The following BRDT variants were observed in gnomAD, a reference collection of about 807,000 sequenced individuals.
BRDT encodes bromodomain testis-specific protein.
Under a neutral mutation model 113.9 loss-of-function variants are expected in BRDT, and 77 were observed. The ratio of observed to expected loss-of-function variants is 0.68; its 90% CI spans 0.56 to 0.82. The LOEUF (loss-of-function observed/expected upper bound fraction) is 0.82. Ranked by LOEUF, BRDT falls within the 40% of genes least tolerant of loss-of-function variation. BRDT has a pLI of 0.00. For synonymous variants in BRDT, 358 were observed against 366.5 expected (o/e 0.98, Z 0.26); for missense variants, 1,027 against 1,105.4 (o/e 0.93, Z 1.01).
At chr1:91,981,813 T>C (rs1322417909) in intron 12 of BRDT, 58 bp downstream of exon 12, 5 of 1,480,932 alleles carry the variant, frequency 3.4e-6, no homozygotes, top group East Asian at 2.5e-5. Flanking sequence ...TCCTGTAATA[T>C]TGATTTATAT....
At chr1:91,968,666 T>C (rs1298867579) in intron 4 of BRDT, among the ~76,000 whole-genome samples, 1 of 152,220 alleles carries the variant, frequency 6.6e-6, no homozygotes, top group Non-Finnish European at 1.5e-5. Context: ...TGGAAGATTG[T>C]CTTTTTTTCC....
chr1:91,954,625 G>A (rs962945904), intron 1 of BRDT, among the ~76,000 whole-genome samples: 6 of 152,038 alleles, frequency 3.9e-5, no homozygotes, highest in East Asian at 1.9e-4. Flanking sequence ...TTTTGAAAGC[G>A]GAAATAACAA....
intron 1 of BRDT, chr1:91,950,074 C>T (rs1680884687): frequency 6.6e-6 from 1 of 152,162 alleles, no homozygotes; most frequent in Non-Finnish European, 1.5e-5. Flanking sequence ...TATTAAGCCC[C>T]TGGAACGTCT....
In BRDT at chr1:91,964,542, T is replaced by C. The variant is rs551410242; in HGVS notation, c.193-85T>C. 2.9e-5 allele frequency: 24 copies of C among 829,092 alleles called. No homozygotes were observed. In the African/African-American group the frequency reaches 4.0e-4, roughly 14 times the overall value. 51.4% of individuals were successfully genotyped at this position (829,092 alleles called of 1,614,324 possible). A position where few individuals can be genotyped will look rare whatever the true frequency, so the allele number is the denominator to read the frequency against. On this transcript the variant is annotated intron_variant, in intron 2 of 18. Transcript: ENST00000399546. Reference sequence around the variant, plus strand: ...ATCAGTTGCTCTCTCTAGTTGCAGGTGTATAGTGCATTAAATTTCTTTGTG... The same window carrying C: ...ATCAGTTGCTCTCTCTAGTTGCAGGCGTATAGTGCATTAAATTTCTTTGTG...
chr1:91,989,882 TAGG>T (rs1335912612), intron 12 of BRDT, among the ~76,000 whole-genome samples: 5 of 152,214 alleles, frequency 3.3e-5, no homozygotes, highest in African/African-American at 1.2e-4. Flanking sequence ...TCAAACATTT[TAGG>T]AGAGGAAAGA....
At chr1:91,996,722 T>C (rs369965705) in intron 15 of BRDT, among the ~76,000 whole-genome samples, 1 of 152,236 alleles carries the variant, frequency 6.6e-6, no homozygotes, top group South Asian at 2.1e-4. Flanking sequence ...ATAAGGTATT[T>C]TTGTGGCAGA....
intron 4 of BRDT, among the ~76,000 whole-genome samples, chr1:91,969,831 T>G (rs1052873957): frequency 5.5e-5 from 8 of 145,322 alleles, no homozygotes; most frequent in South Asian, 2.2e-4. Context: ...GTGTTTTTTT[T>G]TTTTTTTTTT....
chr1:91,967,853 T>C (rs1316533566), intron 3 of BRDT, among the ~76,000 whole-genome samples: 1 of 152,160 alleles, frequency 6.6e-6, no homozygotes, highest in Admixed American at 6.6e-5. Context: ...TTTTAATACC[T>C]GTTTGATTTA....
chr1:91,990,440 AT>A (rs1433766394), intron 12 of BRDT, among the ~76,000 whole-genome samples: 1 of 152,146 alleles, frequency 6.6e-6, no homozygotes, highest in Non-Finnish European at 1.5e-5. Context: ...CTTATAGTAA[AT>A]TCTTTATTTT....
In BRDT at chr1:91,977,113, A is replaced by G; in HGVS notation, c.689A>G (p.Glu230Gly). 6.2e-7 allele frequency: 1 copy of G among 1,613,744 alleles called. No homozygotes were observed. The highest frequency in any genetic ancestry group is 1.7e-5 in the Admixed American group (1 of 59,966). ...ACTTCAGCAGTTAAAGCAAGTAGTGAATTTTCTCCAACATTCACAGAAAAA... is the reference window on the plus strand; with the variant it reads ...ACTTCAGCAGTTAAAGCAAGTAGTGGATTTTCTCCAACATTCACAGAAAAA... Reference protein sequence around the residue: ...PATSAVKASSEFSPTFTEKSV... With the variant: ...PATSAVKASSGFSPTFTEKSV... Residue 230 changes from glutamate to glycine, a missense_variant, in exon 6 of 19, where the codon GAA becomes GGA. Physicochemically the swap from Glu to Gly is moderately conservative, Grantham distance 98. Transcript: ENST00000399546.
chr1:91,994,078 A>G lies in BRDT; in HGVS notation c.2116-5A>G. 1 of 1,589,638 alleles carries G rather than the reference A, an allele frequency of 6.3e-7. No individual in the cohort carries two copies. Among genetic ancestry groups the G allele is most frequent in the Non-Finnish European group, 8.5e-7 (1 of 1,171,676 alleles). On this transcript the variant is annotated splice_region_variant and splice_polypyrimidine_tract_variant and intron_variant, in intron 14 of 18. Transcript: ENST00000399546. ...TAAGTGATAACTTTGATTTTGTTTT[A>G]ACAGATAGGATATTGTGTGCAAGAC...
intron 15 of BRDT, among the ~76,000 whole-genome samples, chr1:91,996,817 A>G (rs1686384153): frequency 6.6e-6 from 1 of 152,240 alleles, no homozygotes; most frequent in African/African-American, 2.4e-5. Flanking sequence ...CTCATTTGGC[A>G]CATGTTTGAG....
chr1:91,977,443 A>C (rs780943374), intron 6 of BRDT, 50 bp downstream of exon 6: 1 of 1,344,286 alleles, frequency 7.4e-7, no homozygotes, highest in East Asian at 2.4e-5. Context: ...TTATAAAAGT[A>C]ATTCATCATT....
chr1:91,973,845 C>G (rs549727593), intron 4 of BRDT, among the ~76,000 whole-genome samples: 2 of 152,164 alleles, frequency 1.3e-5, no homozygotes, highest in Admixed American at 1.3e-4. Context: ...GAGGGCATCC[C>G]TGTCTTGTGC....
In BRDT at chr1:91,966,782, A is replaced by G. The variant is rs572062866; in HGVS notation, c.331-1364A>G. Reference sequence around the variant, plus strand: ...CGAATAGTTAAGATTGAAAAATTGAATATGTTGCCTGGGTGCGGTGGCTCA... The same window carrying G: ...CGAATAGTTAAGATTGAAAAATTGAGTATGTTGCCTGGGTGCGGTGGCTCA... On this transcript the variant is annotated intron_variant, in intron 3 of 18. Transcript: ENST00000399546. 5.9e-5 allele frequency among the ~76,000 whole-genome samples: 9 copies of G among 152,340 alleles called. No individual in the cohort carries two copies. In the South Asian group the frequency reaches 1.9e-3, roughly 32 times the overall value.
rs761362682 is a variant in BRDT, at chr1:91,981,596, A to G, written c.1865-22A>G. The G allele has an allele frequency of 6.2e-6, 10 of 1,607,092 alleles. No homozygotes were observed. In the South Asian group the frequency reaches 1.1e-4, roughly 18 times the overall value. ...AACTATTTAATTCTTCTGGCATTTT[A>G]ATATGTTTCTCTGTTTTGTAGCTGA... On this transcript the variant is annotated intron_variant, in intron 11 of 18. Transcript: ENST00000399546.
intron 1 of BRDT, among the ~76,000 whole-genome samples, chr1:91,961,642 G>C (rs766677838): frequency 6.6e-6 from 1 of 151,592 alleles, no homozygotes; most frequent in Non-Finnish European, 1.5e-5. Context: ...GAGAGAGAGA[G>C]ACACCATAAA....
In BRDT at chr1:91,996,704, G is replaced by A. The variant is rs184910093; in HGVS notation, c.2287+2450G>A. The stretch of plus-strand genomic sequence containing the variant: ...CTAACACAGCAACTGTAGAAAGCAT[G>A]TGGATATATAAGGTATTTTTGTGGC... On this transcript the variant is annotated intron_variant, in intron 15 of 18. Coordinates refer to ENST00000399546, the MANE Select transcript of BRDT (RefSeq NM_207189.4). Among the ~76,000 whole-genome samples, 297 of 152,340 alleles carry A rather than the reference G, an allele frequency of 1.9e-3. 1 individual carries two copies. The highest frequency in any genetic ancestry group is 7.0e-3 in the African/African-American group (291 of 41,578).
In BRDT at chr1:91,961,281, A is replaced by G. The variant is rs1682415274; in HGVS notation, c.-37-1437A>G. On this transcript the variant is annotated intron_variant, in intron 1 of 18. Transcript: ENST00000399546. ...AGTGGAAATTGTGCCACTGCACTCC[A>G]GTCTGGGCGGTAGAGTGAGACTCCA... Among the ~76,000 whole-genome samples, 2 of 152,320 alleles carry G rather than the reference A, an allele frequency of 1.3e-5. 1 individual carries two copies. The highest frequency in any genetic ancestry group is 4.1e-4 in the South Asian group (2 of 4,830).
Sources: allele counts gnomAD v4.1 joint callset (sites outside exome capture counted in the v4.1 genomes callset), GRCh38; gene constraint gnomAD v4.1.1; transcripts MANE v1.5; gene names NCBI Gene and HGNC (gene_info 2026-07-23, HGNC 2026-07-21).